BORCS5: variants seen among roughly 807,000 people sequenced by gnomAD.
BORCS5 encodes the protein BLOC-1 related complex subunit 5.
Under a neutral mutation model 22.1 loss-of-function variants are expected in BORCS5, and 17 were observed. The ratio of observed to expected loss-of-function variants is 0.77; its 90% CI spans 0.53 to 1.15. BORCS5 has a LOEUF of 1.15. Ranked by LOEUF, BORCS5 falls within the 50% of genes most tolerant of loss-of-function variation. The probability of loss-of-function intolerance (pLI) is 0.00; values close to 1 mark genes in which losing one functional copy is unlikely to be tolerated. For synonymous variants in BORCS5, 117 were observed against 99.8 expected, an observed-to-expected ratio of 1.17 and a Z score of -1.03; for missense variants, 247 against 253.2, an observed-to-expected ratio of 0.98 and a Z score of 0.17.
chr12:12,439,312 G>A (rs1942631218), intron 3 of BORCS5, among the ~76,000 whole-genome samples: 1 of 152,110 alleles, frequency 6.6e-6, no homozygotes. Flanking sequence ...GAGAACCAGT[G>A]TTTTGGAGCA....
intron 2 of BORCS5, among the ~76,000 whole-genome samples, chr12:12,433,432 A>G (rs1285643898): frequency 1.3e-5 from 2 of 151,104 alleles, no homozygotes; most frequent in Admixed American, 1.3e-4. Flanking sequence ...TGAGCTTAGG[A>G]GTTTGAGGCC....
At chr12:12,413,801 C>T (rs1941816083) in intron 2 of BORCS5, among the ~76,000 whole-genome samples, 1 of 76,280 alleles carries the variant, frequency 1.3e-5, no homozygotes, top group Admixed American at 1.1e-4. Context: ...AGGCGCCCCT[C>T]ACCTCCCGGA....
intron 2 of BORCS5, among the ~76,000 whole-genome samples, chr12:12,425,108 C>A (rs191199977): frequency 5.5e-4 from 83 of 152,264 alleles, no homozygotes; most frequent in Admixed American, 1.7e-3. Context: ...CCTTTTCTCC[C>A]CTGCTGTCTC....
intron 2 of BORCS5, among the ~76,000 whole-genome samples, chr12:12,405,479 A>C (rs917186954): frequency 6.6e-6 from 1 of 152,108 alleles, no homozygotes; most frequent in African/African-American, 2.4e-5. Flanking sequence ...ACTTATTTCC[A>C]TCACTGTGAT....
intron 2 of BORCS5, among the ~76,000 whole-genome samples, chr12:12,404,158 C>T (rs772936827): frequency 8.6e-5 from 13 of 152,022 alleles, no homozygotes; most frequent in Non-Finnish European, 1.0e-4. Context: ...TCTTTTGCTC[C>T]GGGTGAGAAA....
rs934397405 is a variant in BORCS5, at chr12:12,466,010, C to T, written c.*234C>T. On this transcript the variant is annotated 3_prime_UTR_variant, in exon 4 of 4. Transcript: ENST00000314565. ...TTCTCGGTGATAACTGAAGCTGGAA[C>T]GTGTGAATTATTAGGAATTCTTTGA... 12 of 471,034 alleles carry T rather than the reference C, an allele frequency of 2.5e-5. No homozygotes were observed. Among genetic ancestry groups the T allele is most frequent in the African/African-American group, 7.9e-5 (4 of 50,608 alleles). 29.2% of individuals were successfully genotyped at this position (471,034 alleles called of 1,614,324 possible).
intron 1 of BORCS5, among the ~76,000 whole-genome samples, chr12:12,360,877 T>G (rs1490550041): frequency 6.6e-6 from 1 of 152,078 alleles, no homozygotes; most frequent in East Asian, 1.9e-4. Flanking sequence ...CCCGCCACCA[T>G]GCCCCGCTAA....
intron 3 of BORCS5, among the ~76,000 whole-genome samples, chr12:12,463,946 G>A (rs1943154868): frequency 6.6e-6 from 1 of 152,198 alleles, no homozygotes; most frequent in African/African-American, 2.4e-5. Context: ...GCCCTGCCAA[G>A]TAAAATGTGA....
At chr12:12,419,904 C>T (rs1371613117) in intron 2 of BORCS5, among the ~76,000 whole-genome samples, 1 of 151,954 alleles carries the variant, frequency 6.6e-6, no homozygotes, top group African/African-American at 2.4e-5. Context: ...TTGTTTTTTT[C>T]TTGTAAATTT....
intron 1 of BORCS5, 71 bp from the exon 2 acceptor site, chr12:12,361,135 C>A: frequency 6.7e-7 from 1 of 1,485,788 alleles, no homozygotes; most frequent in Non-Finnish European, 9.3e-7. Flanking sequence ...TTAATCACTA[C>A]ACCAAAAACT....
chr12:12,380,773 A>T (rs991325133), intron 2 of BORCS5, among the ~76,000 whole-genome samples: 1 of 151,368 alleles, frequency 6.6e-6, no homozygotes, highest in Non-Finnish European at 1.5e-5. Flanking sequence ...GATTATAGCC[A>T]TCAGAGTGGT....
chr12:12,389,700 G>C lies in BORCS5; in HGVS notation c.202+28351G>C, dbSNP rs575890910. Among the ~76,000 whole-genome samples, 10 of 152,192 alleles carry C rather than the reference G, an allele frequency of 6.6e-5. No individual in the cohort carries two copies. In the South Asian group the frequency reaches 1.9e-3, roughly 28 times the overall value. On this transcript the variant is annotated intron_variant, in intron 2 of 3. Transcript: ENST00000314565. ...GCTCTGTCGCCCAGGCTGGAGTGCG[G>C]TGGCATGATCTTGGCTCACTGCAAG...
At chr12:12,448,893 T>C (rs1181144251) in intron 3 of BORCS5, among the ~76,000 whole-genome samples, 1 of 152,238 alleles carries the variant, frequency 6.6e-6, no homozygotes. Flanking sequence ...TGTTCAAGCA[T>C]GTTCCCTTAC....
At chr12:12,400,786 G>C (rs1285998967) in intron 2 of BORCS5, among the ~76,000 whole-genome samples, 1 of 152,126 alleles carries the variant, frequency 6.6e-6, no homozygotes, top group African/African-American at 2.4e-5. Context: ...TTATTGATCT[G>C]ATTTTGGCAT....
intron 2 of BORCS5, among the ~76,000 whole-genome samples, chr12:12,434,994 T>A (rs1272152942): frequency 1.3e-5 from 2 of 152,214 alleles, no homozygotes; most frequent in East Asian, 3.8e-4. Context: ...GCTACATACC[T>A]ATAAAAATAT....
chr12:12,417,908 C>T (rs922761617), intron 2 of BORCS5, among the ~76,000 whole-genome samples: 2 of 152,014 alleles, frequency 1.3e-5, no homozygotes, highest in Admixed American at 1.3e-4. Flanking sequence ...TCTCACAGTG[C>T]TGGGAGTACA....
intron 3 of BORCS5, among the ~76,000 whole-genome samples, chr12:12,459,133 T>TG (rs1012568508): frequency 3.1e-4 from 47 of 152,008 alleles, no homozygotes; most frequent in African/African-American, 1.1e-3. Flanking sequence ...TGACCTCAGG[T>TG]GATCCACCTG....
Position 12,386,799 on chromosome 12 carries a change from T to C in BORCS5, c.202+25450T>C, listed in dbSNP as rs113695683. 4.2e-4 allele frequency among the ~76,000 whole-genome samples: 64 copies of C among 151,390 alleles called. 2 individuals are homozygous for C. Among genetic ancestry groups the C allele is most frequent in the African/African-American group, 1.5e-3 (61 of 41,272 alleles). On this transcript the variant is annotated intron_variant, in intron 2 of 3. Coordinates refer to ENST00000314565, the MANE Select transcript of BORCS5 (RefSeq NM_058169.6). ...CTCCTGTTCTTTATTCCTTCCTCCC[T>C]GCCCACCCATACCTTTTTCTGTCTG...
chr12:12,360,193 C>A (rs2136012537), intron 1 of BORCS5, among the ~76,000 whole-genome samples: 1 of 152,132 alleles, frequency 6.6e-6, no homozygotes, highest in South Asian at 2.1e-4. Context: ...GAAACCCCAT[C>A]TCTACTAAAA....
Sources: gnomAD v4.1 joint callset for allele counts (sites outside exome capture counted in the v4.1 genomes callset) on GRCh38, gnomAD v4.1.1 for gene constraint, MANE v1.5 for transcripts, NCBI Gene and HGNC (gene_info 2026-07-23, HGNC 2026-07-21) for gene names.